RIMS1: variants seen among roughly 807,000 people sequenced by gnomAD.
The protein encoded by RIMS1 is regulating synaptic membrane exocytosis protein 1.
Under a neutral mutation model 214.1 loss-of-function variants are expected in RIMS1, and 83 were observed. The observed-to-expected ratio is 0.39, with a 90% CI of 0.32 to 0.47. The LOEUF is 0.47. Ranked by LOEUF, RIMS1 falls within the 20% of genes least tolerant of loss-of-function variation. RIMS1 has a pLI of 0.99. For synonymous variants in RIMS1, 793 were observed against 786.8 expected (o/e 1.01, Z -0.13); for missense variants, 2,050 against 2,161.8 (o/e 0.95, Z 1.03).
chr6:71,889,485 A>G (rs964867691), intron 1 of RIMS1, among the ~76,000 whole-genome samples: 19 of 152,226 alleles, frequency 1.2e-4, no homozygotes, highest in Non-Finnish European at 2.6e-4. Flanking sequence ...CTGTTATACA[A>G]CAGCTCTCTA....
At chr6:71,994,929 C>T (rs1294537568) in intron 2 of RIMS1, among the ~76,000 whole-genome samples, 2 of 152,198 alleles carry the variant, frequency 1.3e-5, no homozygotes, top group East Asian at 3.8e-4. Flanking sequence ...TCAAAGCCAA[C>T]TCTTTTGTTC....
In RIMS1 at chr6:72,288,567, G is replaced by GCA. The variant is rs1389064701; in HGVS notation, c.3555-2109_3555-2108dup. ...ATCCCATTTCATTGAAAAGATCAGG[G>GCA]CACAACAGCCTGGATTCTTTCAACT... On this transcript the variant is annotated intron_variant, in intron 24 of 33. Coordinates refer to ENST00000521978, the MANE Select transcript of RIMS1 (RefSeq NM_014989.7). Among the ~76,000 whole-genome samples the GCA allele has an allele frequency of 4.6e-5, 7 of 152,180 alleles. No individual in the cohort carries two copies. The South Asian group carries it at 1.2e-3, about 27-fold the overall frequency.
At chr6:72,330,565 A>G (rs1160934756) in intron 28 of RIMS1, among the ~76,000 whole-genome samples, 1 of 151,846 alleles carries the variant, frequency 6.6e-6, no homozygotes, top group African/African-American at 2.4e-5. Context: ...GAATCCCAAT[A>G]TAACCAGTAC....
intron 33 of RIMS1, among the ~76,000 whole-genome samples, 199 bp from the exon 34 acceptor site, chr6:72,400,297 A>G (rs927439732): frequency 3.9e-5 from 6 of 152,104 alleles, no homozygotes; most frequent in African/African-American, 1.4e-4. Context: ...CATCAGACTA[A>G]AATTATTGTG....
rs6924896 is a variant in RIMS1 at position 72,212,959 on chromosome 6, T to C, written c.1679-20814T>C. 3.6e-3 allele frequency: 5,036 copies of C among 1,410,162 alleles called. 177 individuals are homozygous for C. The African/African-American group carries it at 0.066, about 19-fold the overall frequency. The allele number at this position is 1,410,162 out of a possible 1,614,324, so 87.4% of individuals were successfully genotyped here. A position where few individuals can be genotyped will look rare whatever the true frequency, so the allele number is the denominator to read the frequency against. ...CTTTCTTGTTCTCACACCAATGTTT[T>C]ATTTCAGTTTCCATTTTCTGCTGGT... On this transcript the variant is annotated intron_variant, in intron 6 of 33. Coordinates refer to ENST00000521978, the MANE Select transcript of RIMS1 (RefSeq NM_014989.7).
intron 28 of RIMS1, among the ~76,000 whole-genome samples, chr6:72,331,657 C>A (rs1420275634): frequency 6.6e-6 from 1 of 151,720 alleles, no homozygotes; most frequent in Non-Finnish European, 1.5e-5. Flanking sequence ...AAGAAAGTCT[C>A]CTGGAGTTGG....
chr6:72,309,895 A>AT (rs1215318253), intron 27 of RIMS1, among the ~76,000 whole-genome samples: 1 of 151,998 alleles, frequency 6.6e-6, no homozygotes. Context: ...ATACAATAGA[A>AT]TTTTTTTGTT....
At chr6:72,032,837 T>C (rs1387467757) in intron 2 of RIMS1, among the ~76,000 whole-genome samples, 1 of 152,176 alleles carries the variant, frequency 6.6e-6, no homozygotes, top group Admixed American at 6.6e-5. Context: ...TATTCTCAAA[T>C]AGCATTTGCC....
intron 2 of RIMS1, among the ~76,000 whole-genome samples, chr6:72,008,403 A>C (rs1808735789): frequency 6.6e-6 from 1 of 152,212 alleles, no homozygotes; most frequent in Admixed American, 6.5e-5. Flanking sequence ...GGCTAGGAAG[A>C]AACTGCATCA....
chr6:72,242,741 A>G (rs751520722), intron 10 of RIMS1, among the ~76,000 whole-genome samples: 2 of 151,868 alleles, frequency 1.3e-5, no homozygotes, highest in Non-Finnish European at 3.0e-5. Flanking sequence ...TATTTAAGTA[A>G]TTCTAATTTA....
Position 72,117,193 on chromosome 6 carries a change from TA to T in RIMS1, c.471+17213del, listed in dbSNP as rs367943650. ...TAATTCAGTAGGTTTGGAATGGGGCTAAAAAATCTGCATTTCTTTCTCTTAG... is the reference window on the plus strand; with the variant it reads ...TAATTCAGTAGGTTTGGAATGGGGCTAAAAATCTGCATTTCTTTCTCTTAG... On this transcript the variant is annotated intron_variant, in intron 4 of 33. Transcript: ENST00000521978. 8.5e-5 allele frequency among the ~76,000 whole-genome samples: 13 copies of T among 152,080 alleles called. No homozygotes were observed. In the South Asian group the frequency reaches 1.5e-3, roughly 17 times the overall value.
intron 2 of RIMS1, among the ~76,000 whole-genome samples, chr6:72,057,477 A>G (rs1826526037): frequency 6.6e-6 from 1 of 150,898 alleles, no homozygotes; most frequent in South Asian, 2.1e-4. Context: ...ATTATTGTCC[A>G]AATCAGTACA....
At chr6:72,390,288 A>T (rs1201448297) in intron 29 of RIMS1, among the ~76,000 whole-genome samples, 3 of 152,200 alleles carry the variant, frequency 2.0e-5, no homozygotes, top group African/African-American at 7.2e-5. Flanking sequence ...TCCACAGAAC[A>T]GTTGGGTGCC....
In RIMS1 at chr6:71,982,055, G is replaced by A. The variant is rs560761014; in HGVS notation, c.245+12992G>A. ...CTTATTGATAATGGCAAACCAAGCC[G>A]CTAAACATTATGGAGTAGAGGATAT... On this transcript the variant is annotated intron_variant, in intron 2 of 33. Transcript: ENST00000521978. Among the ~76,000 whole-genome samples the A allele has an allele frequency of 5.9e-5, 9 of 152,046 alleles. No homozygotes were observed. In the East Asian group the frequency reaches 7.8e-4, roughly 13 times the overall value.
intron 2 of RIMS1, among the ~76,000 whole-genome samples, chr6:72,043,135 A>G (rs1175853652): frequency 7.0e-6 from 1 of 143,860 alleles, no homozygotes; most frequent in East Asian, 2.1e-4. Flanking sequence ...GTATAATGCT[A>G]TAGTCATAGA....
chr6:72,269,620 G>C (rs1591367381), intron 22 of RIMS1, among the ~76,000 whole-genome samples: 1 of 151,978 alleles, frequency 6.6e-6, no homozygotes, highest in East Asian at 1.9e-4. Context: ...CATATAACCA[G>C]CCACACAATC....
chr6:72,296,913 C>T (rs2094146542), intron 26 of RIMS1, among the ~76,000 whole-genome samples: 1 of 151,728 alleles, frequency 6.6e-6, no homozygotes, highest in South Asian at 2.1e-4. Flanking sequence ...TTTTTACTTT[C>T]GACCTTTTCC....
At chr6:72,288,600 C>T (rs1450031905) in intron 24 of RIMS1, among the ~76,000 whole-genome samples, 2 of 152,218 alleles carry the variant, frequency 1.3e-5, no homozygotes, top group African/African-American at 4.8e-5. Flanking sequence ...ACTTTACACT[C>T]TGTACCTCAG....
intron 1 of RIMS1, among the ~76,000 whole-genome samples, chr6:71,919,799 A>G (rs1274709693): frequency 2.0e-5 from 3 of 152,182 alleles, no homozygotes; most frequent in African/African-American, 7.2e-5. Flanking sequence ...TTAAAGAATG[A>G]AAGGCTGTTC....
Sources: allele counts gnomAD v4.1 joint callset (sites outside exome capture counted in the v4.1 genomes callset), GRCh38; gene constraint gnomAD v4.1.1; transcripts MANE v1.5; gene names NCBI Gene and HGNC (gene_info 2026-07-23, HGNC 2026-07-21).